Variants in CEP89 observed in about 807,000 individuals in gnomAD.
The protein encoded by CEP89 is centrosomal protein of 89 kDa.
CEP89 carries 95 observed loss-of-function variants against 97.6 expected under a neutral mutation model. The observed-to-expected ratio is 0.97, with a 90% confidence interval of 0.82 to 1.15. The LOEUF (loss-of-function observed/expected upper bound fraction) is 1.15. Ranked by LOEUF, CEP89 falls within the 50% of genes most tolerant of loss-of-function variation. The pLI, the probability that CEP89 is intolerant of heterozygous loss-of-function variation, is 0.00. For missense variants in CEP89, 869 were observed against 947.7 expected (o/e 0.92, Z 1.09); for synonymous variants, 354 against 349.1 (o/e 1.01, Z -0.16).
intron 5 of CEP89, among the ~76,000 whole-genome samples, chr19:32,940,273 T>C (rs12980708): frequency 0.71 from 12,498 of 17,650 alleles, 4,556 homozygotes; most frequent in East Asian, 0.88. Flanking sequence ...TCACGCTCTA[T>C]ACATCTTCCC....
At chr19:32,946,192 C>T (rs1489589246) in intron 5 of CEP89, among the ~76,000 whole-genome samples, 4 of 152,202 alleles carry the variant, frequency 2.6e-5, no homozygotes, top group Non-Finnish European at 1.5e-5. Context: ...TGACCTCCTT[C>T]CTGGGCTCAA....
chr19:32,883,356 G>A (rs1052100109), intron 17 of CEP89, among the ~76,000 whole-genome samples: 18 of 151,614 alleles, frequency 1.2e-4, no homozygotes, highest in African/African-American at 4.1e-4. Context: ...TTTAATATTT[G>A]TGACCAACAA....
intron 12 of CEP89, among the ~76,000 whole-genome samples, chr19:32,920,738 T>C (rs911912964): frequency 1.6e-4 from 24 of 151,702 alleles, no homozygotes; most frequent in African/African-American, 5.8e-4. Flanking sequence ...CCTGCCTCAG[T>C]CTCCCAAAGT....
chr19:32,926,805 A>T (rs1013350738), intron 10 of CEP89, 129 bp downstream of exon 10: 9 of 742,012 alleles, frequency 1.2e-5, no homozygotes, highest in Admixed American at 9.4e-5. Flanking sequence ...CAACTGATCC[A>T]CCCGCCTCAG....
In CEP89 at chr19:32,878,873, C is replaced by A; in HGVS notation, c.*289G>T. The A allele has an allele frequency of 3.5e-6, 1 of 284,654 alleles. No individual in the cohort carries two copies. The highest frequency in any genetic ancestry group is 6.5e-6 in the Non-Finnish European group (1 of 154,198). The allele number at this position is 284,654 out of a possible 1,614,324, so 17.6% of individuals were successfully genotyped here. ...GTCCCAGCTACTCAGGAGGCTGAAGCAGAAGGATCTCAAACATGTTTGAGG... is the reference window on the plus strand; with the variant it reads ...GTCCCAGCTACTCAGGAGGCTGAAGAAGAAGGATCTCAAACATGTTTGAGG... On this transcript the variant is annotated 3_prime_UTR_variant, in exon 19 of 19. Transcript: ENST00000305768.
chr19:32,896,395 C>T (rs554665008), intron 16 of CEP89, among the ~76,000 whole-genome samples: 1 of 152,216 alleles, frequency 6.6e-6, no homozygotes, highest in South Asian at 2.1e-4. Context: ...ATACATGGTG[C>T]TGGGAAAATT....
chr19:32,930,020 CCT>C (rs1491262759), intron 9 of CEP89, among the ~76,000 whole-genome samples: 1 of 148,254 alleles, frequency 6.7e-6, no homozygotes, highest in Non-Finnish European at 1.5e-5. Flanking sequence ...CCTTTTTTTT[CCT>C]TTTTTTTTTT....
chr19:32,903,673 T>A (rs978788887), intron 14 of CEP89, among the ~76,000 whole-genome samples: 1 of 152,200 alleles, frequency 6.6e-6, no homozygotes, highest in Non-Finnish European at 1.5e-5. Flanking sequence ...ACTGTCTGAT[T>A]GAAGCCCAGA....
At chr19:32,965,810 G>A (rs1053328429) in intron 2 of CEP89, among the ~76,000 whole-genome samples, 1 of 151,996 alleles carries the variant, frequency 6.6e-6, no homozygotes, top group African/African-American at 2.4e-5. Flanking sequence ...AAGAGGTCAG[G>A]AGTTTGAGAC....
chr19:32,905,387 T>C (rs1387234514), intron 14 of CEP89, among the ~76,000 whole-genome samples: 1 of 152,230 alleles, frequency 6.6e-6, no homozygotes, highest in African/African-American at 2.4e-5. Flanking sequence ...ATTAATTCTT[T>C]TTCTGTTTCT....
intron 3 of CEP89, among the ~76,000 whole-genome samples, chr19:32,955,003 G>A (rs1164259856): frequency 2.0e-5 from 3 of 151,528 alleles, no homozygotes; most frequent in South Asian, 2.1e-4. Context: ...TTTTTAAATT[G>A]AGACAGGGTC....
chr19:32,968,069 C>T (rs1277750040), intron 1 of CEP89, among the ~76,000 whole-genome samples: 1 of 152,016 alleles, frequency 6.6e-6, no homozygotes, highest in Non-Finnish European at 1.5e-5. Flanking sequence ...TCCTACAGCC[C>T]CCACCACCGA....
At chr19:32,880,705 C>T (rs947361995) in intron 18 of CEP89, among the ~76,000 whole-genome samples, 1 of 149,968 alleles carries the variant, frequency 6.7e-6, no homozygotes, top group African/African-American at 2.5e-5. Context: ...TAAATTATAG[C>T]AATCATGTTT....
intron 16 of CEP89, among the ~76,000 whole-genome samples, chr19:32,888,718 G>T (rs1445512135): frequency 3.3e-5 from 5 of 151,742 alleles, no homozygotes; most frequent in Non-Finnish European, 7.4e-5. Flanking sequence ...TAAGACTATT[G>T]TGTCTCCCAC....
chr19:32,954,458 T>C, intron 3 of CEP89, among the ~76,000 whole-genome samples: 1 of 151,770 alleles, frequency 6.6e-6, no homozygotes, highest in Non-Finnish European at 1.5e-5. Flanking sequence ...TCAATCTCTC[T>C]GGGCTCAGGT....
intron 5 of CEP89, among the ~76,000 whole-genome samples, chr19:32,945,876 G>A (rs1568573927): frequency 6.6e-6 from 1 of 152,116 alleles, no homozygotes; most frequent in Non-Finnish European, 1.5e-5. Flanking sequence ...CCCTATCCCA[G>A]TGAGTTTCAT....
chr19:32,963,431 G>A (rs1315107224), intron 2 of CEP89: 1 of 152,094 alleles, frequency 6.6e-6, no homozygotes, highest in Non-Finnish European at 1.5e-5. Flanking sequence ...CTCATGAAAT[G>A]TCCAAAATTT....
At chr19:32,960,753 T>A (rs1971149575) in intron 2 of CEP89, among the ~76,000 whole-genome samples, 1 of 143,376 alleles carries the variant, frequency 7.0e-6, no homozygotes, top group Non-Finnish European at 1.6e-5. Context: ...GAGGTTACTA[T>A]GAGCCTACAT....
intron 17 of CEP89, among the ~76,000 whole-genome samples, chr19:32,882,741 C>T (rs938736684): frequency 1.3e-5 from 2 of 152,196 alleles, no homozygotes; most frequent in African/African-American, 2.4e-5. Context: ...AAGAATCCAA[C>T]AAGGGCTGTC....
Sources: gnomAD v4.1 joint callset for allele counts (sites outside exome capture counted in the v4.1 genomes callset) on GRCh38, gnomAD v4.1.1 for gene constraint, MANE v1.5 for transcripts, NCBI Gene and HGNC (gene_info 2026-07-23, HGNC 2026-07-21) for gene names.